NXPH1: variants seen among roughly 807,000 people sequenced by gnomAD.
NXPH1 encodes the protein neurexophilin 1.
Under a neutral mutation model 23.7 loss-of-function variants are expected in NXPH1, and 5 were observed. The observed-to-expected ratio is 0.21, with a 90% CI of 0.11 to 0.44. NXPH1 has a LOEUF of 0.44. NXPH1 is among the 20% of genes least tolerant of loss of function. NXPH1 has a pLI of 0.99. For synonymous variants in NXPH1, 144 were observed against 122.2 expected (o/e 1.18, Z -1.18); for missense variants, 324 against 321.6 (o/e 1.01, Z -0.06).
chr7:8,450,878 T>G (rs1816494742), intron 2 of NXPH1, among the ~76,000 whole-genome samples: 1 of 152,244 alleles, frequency 6.6e-6, no homozygotes, highest in Non-Finnish European at 1.5e-5. Context: ...ATCTACTTTT[T>G]AAGCATTTTA....
At chr7:8,486,943 G>T (rs539770332) in intron 2 of NXPH1, among the ~76,000 whole-genome samples, 1 of 151,940 alleles carries the variant, frequency 6.6e-6, no homozygotes, top group Non-Finnish European at 1.5e-5. Context: ...GCCCTTGTAA[G>T]TAATAATTTA....
intron 2 of NXPH1, among the ~76,000 whole-genome samples, chr7:8,655,209 AC>A (rs1820554474): frequency 6.6e-6 from 1 of 152,052 alleles, no homozygotes; most frequent in Non-Finnish European, 1.5e-5. Context: ...AAATTACAAA[AC>A]CTTTTCTCTA....
At chr7:8,601,193 C>T (rs996965011) in intron 2 of NXPH1, among the ~76,000 whole-genome samples, 1 of 152,006 alleles carries the variant, frequency 6.6e-6, no homozygotes, top group East Asian at 1.9e-4. Flanking sequence ...CAATTTCTTC[C>T]TTCCTGAGCC....
At position 8,730,803 on chromosome 7, in the gene NXPH1, C is replaced by G. The variant is rs571967207; in HGVS notation, c.55-20205C>G. Among the ~76,000 whole-genome samples, 713 of 150,414 alleles carry G rather than the reference C, an allele frequency of 4.7e-3. 4 individuals carry two copies. Among genetic ancestry groups the G allele is most frequent in the Non-Finnish European group, 4.4e-3 (297 of 67,640 alleles). On this transcript the variant is annotated intron_variant, in intron 2 of 2. Coordinates refer to ENST00000405863, the MANE Select transcript of NXPH1 (RefSeq NM_152745.3). ...TTCCTGCATTTCAACTTTGGTGAAT[C>G]TGACAATTATGTGTCTTGGAGTTGC...
rs149772788 is a variant in NXPH1, at chr7:8,664,177, A to T, written c.55-86831A>T. Among the ~76,000 whole-genome samples, 929 of 152,106 alleles carry T rather than the reference A, an allele frequency of 6.1e-3. 24 individuals are homozygous for T. The highest frequency in any genetic ancestry group is 0.057 in the South Asian group (274 of 4,824). ...ATCTTCCTAAAGAAAGCGAAGGGTA[A>T]GCTTATCCCATCTCCTCCCTCAAGT... On this transcript the variant is annotated intron_variant, in intron 2 of 2. Coordinates refer to ENST00000405863, the MANE Select transcript of NXPH1 (RefSeq NM_152745.3).
At chr7:8,641,227 C>A (rs1009864570) in intron 2 of NXPH1, among the ~76,000 whole-genome samples, 2 of 152,080 alleles carry the variant, frequency 1.3e-5, no homozygotes. Context: ...GCTATCATCC[C>A]TACCAAGTAT....
At chr7:8,663,878 C>G (rs189711049) in intron 2 of NXPH1, among the ~76,000 whole-genome samples, 24 of 152,162 alleles carry the variant, frequency 1.6e-4, no homozygotes, top group African/African-American at 2.2e-4. Context: ...TAATCGTAAT[C>G]CTTATTTCTT....
At chr7:8,495,933 G>A (rs1473585847) in intron 2 of NXPH1, among the ~76,000 whole-genome samples, 1 of 152,014 alleles carries the variant, frequency 6.6e-6, no homozygotes, top group Non-Finnish European at 1.5e-5. Context: ...ACAGGAGAGA[G>A]AACTATTGTG....
chr7:8,477,433 C>A (rs1045428337), intron 2 of NXPH1, among the ~76,000 whole-genome samples: 1 of 152,040 alleles, frequency 6.6e-6, no homozygotes, highest in Non-Finnish European at 1.5e-5. Context: ...AGCTAATAAA[C>A]ATACATTTTG....
intron 2 of NXPH1, among the ~76,000 whole-genome samples, chr7:8,576,256 A>T (rs1818754254): frequency 6.6e-6 from 1 of 152,174 alleles, no homozygotes; most frequent in Non-Finnish European, 1.5e-5. Flanking sequence ...TGCCTTGAAC[A>T]CTGTGTTGGG....
intron 2 of NXPH1, among the ~76,000 whole-genome samples, chr7:8,728,865 G>A (rs1475974416): frequency 6.6e-6 from 1 of 151,994 alleles, no homozygotes; most frequent in East Asian, 1.9e-4. Flanking sequence ...AAATGAGTTA[G>A]GGAGGATTCC....
rs550029199 is a variant in NXPH1 at position 8,482,208 on chromosome 7, G to T, written c.54+46441G>T. On this transcript the variant is annotated intron_variant, in intron 2 of 2. Transcript: ENST00000405863. ...GCTAAATTGCAGGGAAAGTGTTTCC[G>T]TGAGCTTTGCTGGCTTTCCCAAATG... Among the ~76,000 whole-genome samples, 4 of 152,180 alleles carry T rather than the reference G, an allele frequency of 2.6e-5. 1 individual carries two copies. In the East Asian group the frequency reaches 5.8e-4, roughly 22 times the overall value.
chr7:8,472,956 A>G (rs958760352), intron 2 of NXPH1, among the ~76,000 whole-genome samples: 2 of 152,170 alleles, frequency 1.3e-5, no homozygotes, highest in Non-Finnish European at 2.9e-5. Flanking sequence ...AATATGGCCA[A>G]TCTACCTTGT....
Position 8,654,529 on chromosome 7 carries a change from C to T in NXPH1, c.55-96479C>T, listed in dbSNP as rs55948898. The stretch of plus-strand genomic sequence containing the variant: ...GGGATTCAGGTGCGAAGGGAAGACT[C>T]ATTCCTGTGAAAACATAGCCCATCC... On this transcript the variant is annotated intron_variant, in intron 2 of 2. Transcript: ENST00000405863. Among the ~76,000 whole-genome samples the T allele has an allele frequency of 5.7e-3, 867 of 152,320 alleles. 5 individuals carry two copies. Among genetic ancestry groups the T allele is most frequent in the South Asian group, 0.014 (67 of 4,826 alleles).
chr7:8,529,935 A>G (rs1049332037), intron 2 of NXPH1, among the ~76,000 whole-genome samples: 3 of 152,224 alleles, frequency 2.0e-5, no homozygotes, highest in African/African-American at 7.2e-5. Flanking sequence ...AATGAAGATT[A>G]TGTTAATTAT....
At chr7:8,714,431 C>T (rs975573221) in intron 2 of NXPH1, among the ~76,000 whole-genome samples, 2 of 151,994 alleles carry the variant, frequency 1.3e-5, no homozygotes. Context: ...AGTGCTCTTC[C>T]CCACTGTGGC....
intron 2 of NXPH1, among the ~76,000 whole-genome samples, chr7:8,667,582 G>C (rs1023328825): frequency 3.3e-5 from 5 of 151,426 alleles, no homozygotes; most frequent in African/African-American, 1.2e-4. Context: ...TCATATATGT[G>C]ATTTGCATCC....
intron 2 of NXPH1, among the ~76,000 whole-genome samples, chr7:8,539,729 T>G (rs113766534): frequency 0.016 from 2,369 of 151,872 alleles, 61 homozygotes; most frequent in African/African-American, 0.055. Context: ...ACCAGACACA[T>G]GTCCACAAAC....
At chr7:8,699,068 G>T (rs1272177897) in intron 2 of NXPH1, among the ~76,000 whole-genome samples, 2 of 152,036 alleles carry the variant, frequency 1.3e-5, no homozygotes, top group Non-Finnish European at 2.9e-5. Context: ...AATTACATTT[G>T]GAGGATTAGA....
Sources: gnomAD v4.1 joint callset for allele counts (sites outside exome capture counted in the v4.1 genomes callset) on GRCh38, gnomAD v4.1.1 for gene constraint, MANE v1.5 for transcripts, NCBI Gene and HGNC (gene_info 2026-07-23, HGNC 2026-07-21) for gene names.